The following PTPRN2 variants were observed in gnomAD, a reference collection of about 807,000 sequenced individuals.
PTPRN2 encodes the protein receptor-type tyrosine-protein phosphatase N2.
A neutral mutation model predicts 118.8 loss-of-function variants in PTPRN2; 74 were observed. The ratio of observed to expected loss-of-function variants is 0.62; its 90% CI spans 0.52 to 0.76. The LOEUF (loss-of-function observed/expected upper bound fraction) is 0.76, where lower values mean the gene tolerates loss of function less well. Ranked by LOEUF, PTPRN2 falls within the 30% of genes least tolerant of loss-of-function variation. PTPRN2 has a pLI of 0.00. For missense variants in PTPRN2, 1,481 were observed against 1,394.4 expected, an observed-to-expected ratio of 1.06 and a Z score of -0.99; for synonymous variants, 641 against 608.0, an observed-to-expected ratio of 1.05 and a Z score of -0.80.
chr7:158,486,361 G>A (rs5016023), intron 2 of PTPRN2, among the ~76,000 whole-genome samples: 29,182 of 152,206 alleles, frequency 0.19, 3,309 homozygotes, highest in East Asian at 0.41. Context: ...TGATTATTAT[G>A]CCTTTAGAAT....
chr7:158,490,766 C>T lies in PTPRN2; in HGVS notation c.113-981G>A, dbSNP rs565250947. On this transcript the variant is annotated intron_variant, in intron 1 of 22. Transcript: ENST00000389418. ...ACCAGCCGACAAACGCCTGTTCATC[C>T]GCTAAGATCCCTGTGGAAGCCCCAG... Among the ~76,000 whole-genome samples the T allele has an allele frequency of 1.2e-4, 18 of 152,362 alleles. No homozygotes were observed. In the East Asian group the frequency reaches 3.5e-3, roughly 29 times the overall value.
intron 4 of PTPRN2, among the ~76,000 whole-genome samples, chr7:158,193,311 A>G (rs943511897): frequency 6.6e-6 from 1 of 152,214 alleles, no homozygotes; most frequent in Non-Finnish European, 1.5e-5. Context: ...TGGACGTGTC[A>G]GCCACATGTG....
chr7:158,062,950 G>A (rs948181038), intron 11 of PTPRN2, among the ~76,000 whole-genome samples: 1 of 152,238 alleles, frequency 6.6e-6, no homozygotes, highest in Non-Finnish European at 1.5e-5. Flanking sequence ...AGGCTGAGGA[G>A]TGTGGGCTCA....
intron 2 of PTPRN2, among the ~76,000 whole-genome samples, chr7:158,335,379 C>A (rs373145684): frequency 6.2e-5 from 1 of 16,080 alleles, no homozygotes; most frequent in African/African-American, 1.5e-4. Context: ...CATACTCTCA[C>A]CATAAGAGCT....
At chr7:158,532,245 C>T (rs1291495228) in intron 1 of PTPRN2, among the ~76,000 whole-genome samples, 2 of 152,202 alleles carry the variant, frequency 1.3e-5, no homozygotes, top group Non-Finnish European at 2.9e-5. Context: ...TCGTCGGGCA[C>T]GACCTTGCTT....
chr7:158,477,503 A>G lies in PTPRN2; in HGVS notation c.163+12232T>C, dbSNP rs146745972. 9.1e-4 allele frequency among the ~76,000 whole-genome samples: 139 copies of G among 152,272 alleles called. 1 individual carries two copies. Among genetic ancestry groups the G allele is most frequent in the Middle Eastern group, 3.4e-3 (1 of 294 alleles). On this transcript the variant is annotated intron_variant, in intron 2 of 22. Transcript: ENST00000389418. Reference sequence around the variant, plus strand: ...ATACGTATAATTCATTTTTTAATTGATTTTAATTGACACACCTGAAAGAGA... The same window carrying G: ...ATACGTATAATTCATTTTTTAATTGGTTTTAATTGACACACCTGAAAGAGA...
chr7:158,249,515 C>T (rs576490637), intron 3 of PTPRN2, among the ~76,000 whole-genome samples: 7 of 151,348 alleles, frequency 4.6e-5, no homozygotes, highest in Admixed American at 4.6e-4. Flanking sequence ...ATGCATCACA[C>T]ACATGCACAC....
rs764361393 is a variant in PTPRN2, at chr7:158,263,083, CCA to C, written c.277+53734_277+53735del. On this transcript the variant is annotated intron_variant, in intron 3 of 22. Coordinates refer to ENST00000389418, the MANE Select transcript of PTPRN2 (RefSeq NM_002847.5). ...ACATTGCACACACACATCACACACACCACACACATTCACACACTGCACACACA... is the reference window on the plus strand; with the variant it reads ...ACATTGCACACACACATCACACACACCACACATTCACACACTGCACACACA... Among the ~76,000 whole-genome samples the C allele has an allele frequency of 8.8e-4, 129 of 146,206 alleles. 1 individual carries two copies. The highest frequency in any genetic ancestry group is 3.3e-3 in the South Asian group (15 of 4,488).
chr7:157,909,121 C>T (rs768902076), intron 11 of PTPRN2, among the ~76,000 whole-genome samples: 3 of 152,118 alleles, frequency 2.0e-5, no homozygotes, highest in Non-Finnish European at 4.4e-5. Context: ...ACCAGCCCAT[C>T]GAGAGAACAT....
intron 12 of PTPRN2, among the ~76,000 whole-genome samples, chr7:157,701,721 C>T (rs1272733848): frequency 6.6e-6 from 1 of 152,260 alleles, no homozygotes; most frequent in African/African-American, 2.4e-5. Context: ...TCTTAACTGA[C>T]GTGGGCTGTG....
chr7:158,518,371 A>G (rs1823726370), intron 1 of PTPRN2, among the ~76,000 whole-genome samples: 1 of 151,864 alleles, frequency 6.6e-6, no homozygotes, highest in Non-Finnish European at 1.5e-5. Flanking sequence ...GGGGTGGGAG[A>G]AGGATATGAA....
chr7:158,001,538 G>A (rs749037), intron 11 of PTPRN2, among the ~76,000 whole-genome samples: 101,053 of 151,934 alleles, frequency 0.67, 34,066 homozygotes, highest in East Asian at 0.88. Flanking sequence ...GGCTGGGGAC[G>A]TGCACAGCAG....
intron 12 of PTPRN2, among the ~76,000 whole-genome samples, chr7:157,872,076 C>T (rs1328865389): frequency 2.0e-5 from 1 of 49,696 alleles, no homozygotes; most frequent in Non-Finnish European, 4.0e-5. Context: ...CCCACACACA[C>T]ATACACAGCG....
intron 11 of PTPRN2, among the ~76,000 whole-genome samples, chr7:157,901,580 TG>T (rs1305086557): frequency 6.6e-6 from 1 of 152,276 alleles, no homozygotes; most frequent in Non-Finnish European, 1.5e-5. Context: ...TATCATTCAA[TG>T]TTTCACAATG....
intron 11 of PTPRN2, among the ~76,000 whole-genome samples, chr7:158,005,077 T>A (rs569860933): frequency 2.0e-5 from 3 of 148,818 alleles, no homozygotes; most frequent in Admixed American, 2.0e-4. Context: ...TGGCCACTAT[T>A]TTTTTTTTTT....
intron 12 of PTPRN2, chr7:157,864,292 G>A (rs1243931601): frequency 2.0e-5 from 3 of 152,270 alleles, no homozygotes; most frequent in African/African-American, 7.2e-5. Flanking sequence ...CCCACCCGAG[G>A]TTCACTGGGC....
chr7:158,330,862 G>GAGGTGACA (rs1563150426), intron 2 of PTPRN2, among the ~76,000 whole-genome samples: 2 of 60,478 alleles, frequency 3.3e-5, no homozygotes, highest in African/African-American at 5.8e-5. Context: ...AAGAGCTGAT[G>GAGGTGACA]CCCGCAGACG....
intron 21 of PTPRN2, among the ~76,000 whole-genome samples, chr7:157,553,321 G>A (rs963206653): frequency 2.0e-5 from 3 of 152,174 alleles, no homozygotes; most frequent in African/African-American, 7.2e-5. Context: ...GGAATCCTGG[G>A]AGACTGTCCC....
chr7:158,258,198 T>C (rs751012108), intron 3 of PTPRN2, among the ~76,000 whole-genome samples: 9 of 152,166 alleles, frequency 5.9e-5, no homozygotes, highest in Non-Finnish European at 1.3e-4. Flanking sequence ...ATTCCCGACG[T>C]CCACACACCA....
Sources: gnomAD v4.1 joint callset for allele counts (sites outside exome capture counted in the v4.1 genomes callset) on GRCh38, gnomAD v4.1.1 for gene constraint, MANE v1.5 for transcripts, NCBI Gene and HGNC (gene_info 2026-07-23, HGNC 2026-07-21) for gene names.